DBF4B: variants seen among roughly 807,000 people sequenced by gnomAD.
The protein encoded by DBF4B is protein DBF4 homolog B.
Under a neutral mutation model 53.4 loss-of-function variants are expected in DBF4B, and 49 were observed. The ratio of observed to expected loss-of-function variants is 0.92; its 90% CI spans 0.73 to 1.16. DBF4B has a LOEUF of 1.16. Ranked by LOEUF, DBF4B falls within the 50% of genes most tolerant of loss-of-function variation. The pLI is 0.00. For synonymous variants in DBF4B, 257 were observed against 288.7 expected (o/e 0.89, Z 1.11); for missense variants, 692 against 775.0 (o/e 0.89, Z 1.27).
chr17:44,723,158 G>GTGCA (rs1974000020), intron 3 of DBF4B, 136 bp downstream of exon 3: 1 of 1,236,034 alleles, frequency 8.1e-7, no homozygotes, highest in African/African-American at 1.5e-5. Flanking sequence ...CCAGGCTGGA[G>GTGCA]TGCAGTGGCA....
At position 44,741,419 on chromosome 17, in the gene DBF4B, C is replaced by A. The variant is rs1976009921; in HGVS notation, c.797C>A (p.Ala266Asp). 6.2e-7 allele frequency: 1 copy of A among 1,613,024 alleles called. No individual in the cohort carries two copies. The highest frequency in any genetic ancestry group is 8.5e-7 in the Non-Finnish European group (1 of 1,179,346). Reference sequence around the variant, plus strand: ...CCCAAAGATGCAAGTCCCTTTGAGGCCCCGACGACCCTGGGCAGCATGCAC... The same window carrying A: ...CCCAAAGATGCAAGTCCCTTTGAGGACCCGACGACCCTGGGCAGCATGCAC... ...LGPKDASPFE[A>D]PTTLGSMHHT... The change falls in exon 10 of 14, where the codon GCC (alanine) becomes GAC (aspartate). Residue 266 changes from alanine (A) to aspartate (D), a missense_variant. Transcript: ENST00000315005.
chr17:44,723,479 C>T (rs1424611371), intron 3 of DBF4B, among the ~76,000 whole-genome samples: 1 of 151,916 alleles, frequency 6.6e-6, no homozygotes, highest in Non-Finnish European at 1.5e-5. Flanking sequence ...TTTGGCCAGG[C>T]GCAGTGGCTC....
intron 7 of DBF4B, among the ~76,000 whole-genome samples, chr17:44,736,292 C>T (rs1394527394): frequency 6.6e-6 from 1 of 152,016 alleles, no homozygotes; most frequent in African/African-American, 2.4e-5. Flanking sequence ...CCTCCATTTA[C>T]TTTTTAATAT....
chr17:44,750,385 AG>A (rs34337196), intron 13 of DBF4B: 37 of 1,371,598 alleles, frequency 2.7e-5, no homozygotes, highest in Middle Eastern at 2.7e-4. Context: ...CAAAGGAAGA[AG>A]GGGGGGCCCA....
chr17:44,720,435 C>A, intron 2 of DBF4B: 1 of 234,814 alleles, frequency 4.3e-6, no homozygotes, highest in Non-Finnish European at 8.6e-6. Context: ...GGAATATCTG[C>A]AATTCCTCTG....
At chr17:44,713,685 G>T (rs1973099108) in intron 2 of DBF4B, among the ~76,000 whole-genome samples, 2 of 145,796 alleles carry the variant, frequency 1.4e-5, no homozygotes, top group Admixed American at 6.8e-5. Flanking sequence ...TCATCACTGA[G>T]CTATATAATA....
chr17:44,741,786 C>T (rs1976058074), intron 10 of DBF4B, among the ~76,000 whole-genome samples: 1 of 152,188 alleles, frequency 6.6e-6, no homozygotes, highest in Non-Finnish European at 1.5e-5. Flanking sequence ...CCCTGGCCTG[C>T]ACTGTTTCCC....
rs68091397 is a variant in DBF4B at position 44,725,684 on chromosome 17, CTTT to C, written c.225+2680_225+2682del. 1.1e-3 allele frequency among the ~76,000 whole-genome samples: 95 copies of C among 87,636 alleles called. 3 individuals are homozygous for C. The highest frequency in any genetic ancestry group is 8.1e-4 in the Non-Finnish European group (35 of 43,428). 57.5% of individuals were successfully genotyped at this position (87,636 alleles called of 152,430 possible). ...ATCCTGCCTTTGTTTTTTTGTGCTTCTTTTTTTTTTTTTTTTTTTTAAGAGGGG... is the reference window on the plus strand; with the variant it reads ...ATCCTGCCTTTGTTTTTTTGTGCTTCTTTTTTTTTTTTTTTTTAAGAGGGG... On this transcript the variant is annotated intron_variant, in intron 3 of 13. Coordinates refer to ENST00000315005, the MANE Select transcript of DBF4B (RefSeq NM_145663.3).
intron 3 of DBF4B, among the ~76,000 whole-genome samples, chr17:44,729,394 C>G (rs1974626246): frequency 6.6e-6 from 1 of 151,786 alleles, no homozygotes; most frequent in Non-Finnish European, 1.5e-5. Flanking sequence ...ATTTTAGAGA[C>G]AGGATCTTAC....
Position 44,751,920 on chromosome 17 carries a change from T to G in DBF4B, c.*667T>G. 6.5e-7 allele frequency: 1 copy of G among 1,536,066 alleles called. No individual in the cohort carries two copies. The highest frequency in any genetic ancestry group is 8.7e-7 in the Non-Finnish European group (1 of 1,146,898). ...CCTGCCCTTCCTCACCATTGCCCATTCCCTCGTTCGTTCATTCAGCACAGG... is the reference window on the plus strand; with the variant it reads ...CCTGCCCTTCCTCACCATTGCCCATGCCCTCGTTCGTTCATTCAGCACAGG... On this transcript the variant is annotated 3_prime_UTR_variant, in exon 14 of 14. Transcript: ENST00000315005.
In DBF4B at chr17:44,722,877, T is replaced by C. The variant is rs1973973691; in HGVS notation, c.83-3T>C. On this transcript the variant is annotated splice_region_variant and splice_polypyrimidine_tract_variant and intron_variant, in intron 2 of 13. Coordinates refer to ENST00000315005, the MANE Select transcript of DBF4B (RefSeq NM_145663.3). The stretch of plus-strand genomic sequence containing the variant: ...TACTTTGCTCCTCTTTATTGTTTTC[T>C]AGGAGTTTCCAGGTGTCTAGGAAAA... The C allele has an allele frequency of 2.5e-6, 4 of 1,613,368 alleles. No homozygotes were observed. Among genetic ancestry groups the C allele is most frequent in the Non-Finnish European group, 2.5e-6 (3 of 1,179,828 alleles).
chr17:44,714,695 A>G (rs977483971), intron 2 of DBF4B, among the ~76,000 whole-genome samples: 1 of 151,944 alleles, frequency 6.6e-6, no homozygotes, highest in Non-Finnish European at 1.5e-5. Flanking sequence ...TTCTATTGCT[A>G]TTATTGTCAA....
In DBF4B at chr17:44,749,553, G is replaced by A. The variant is rs374288829; in HGVS notation, c.1190-1042G>A. 1.2e-5 allele frequency: 15 copies of A among 1,217,208 alleles called. No individual in the cohort carries two copies. The highest frequency in any genetic ancestry group is 9.4e-5 in the African/African-American group (6 of 63,654). 75.4% of individuals were successfully genotyped at this position (1,217,208 alleles called of 1,614,324 possible). A position where few individuals can be genotyped will look rare whatever the true frequency, so the allele number is the denominator to read the frequency against. On this transcript the variant is annotated intron_variant, in intron 13 of 13. Coordinates refer to ENST00000315005, the MANE Select transcript of DBF4B (RefSeq NM_145663.3). The surrounding 1 kb of genome is among the most constrained non-coding windows in gnomAD (Gnocchi z 4.4). Reference sequence around the variant, plus strand: ...GCTGACAGAGCCACCCCTCCCACTGGCCAGGTCTTTGGGAGAGAATCTGGG... The same window carrying A: ...GCTGACAGAGCCACCCCTCCCACTGACCAGGTCTTTGGGAGAGAATCTGGG...
At chr17:44,733,332 C>CCCA (rs1401102019) in intron 6 of DBF4B, among the ~76,000 whole-genome samples, 1 of 152,188 alleles carries the variant, frequency 6.6e-6, no homozygotes, top group Non-Finnish European at 1.5e-5. Flanking sequence ...TGTAGTGTGG[C>CCCA]CCACCACTCT....
intron 2 of DBF4B, among the ~76,000 whole-genome samples, chr17:44,709,923 C>G (rs1034613916): frequency 2.6e-5 from 4 of 151,702 alleles, no homozygotes; most frequent in African/African-American, 7.3e-5. Context: ...CCTGTAATCC[C>G]AGCACTTTGG....
chr17:44,741,132 CAA>C (rs375591548), intron 9 of DBF4B, among the ~76,000 whole-genome samples: 2 of 126,088 alleles, frequency 1.6e-5, no homozygotes, highest in Admixed American at 8.0e-5. Context: ...GACTCTGTCT[CAA>C]AAAAAAAAAA....
chr17:44,713,929 T>C (rs1431831788), intron 2 of DBF4B, among the ~76,000 whole-genome samples: 1 of 152,194 alleles, frequency 6.6e-6, no homozygotes, highest in Non-Finnish European at 1.5e-5. Flanking sequence ...TTTTGCCTCT[T>C]TCCTGTGTTG....
intron 2 of DBF4B, among the ~76,000 whole-genome samples, chr17:44,721,504 C>CCA (rs1555674750): frequency 2.0e-5 from 3 of 152,104 alleles, no homozygotes; most frequent in Non-Finnish European, 4.4e-5. Flanking sequence ...CAGGTATGAG[C>CCA]CACTGTGCCC....
Position 44,751,306 on chromosome 17 carries a change from A to T in DBF4B, c.*53A>T. The T allele has an allele frequency of 6.4e-7, 1 of 1,567,334 alleles. No homozygotes were observed. Among genetic ancestry groups the T allele is most frequent in the Admixed American group, 1.8e-5 (1 of 56,256 alleles). On this transcript the variant is annotated 3_prime_UTR_variant, in exon 14 of 14. Transcript: ENST00000315005. ...ACCCAGGATGGATGGGTGCTGCTTG[A>T]TGTGAATGAGGTCCCGCAGTGGCTC...
Sources: gnomAD v4.1 joint callset for allele counts (sites outside exome capture counted in the v4.1 genomes callset) on GRCh38, gnomAD v4.1.1 for gene constraint, Gnocchi (gnomAD v3.1) non-coding constraint, MANE v1.5 for transcripts, NCBI Gene and HGNC (gene_info 2026-07-23, HGNC 2026-07-21) for gene names.